AVEN: variants seen among roughly 807,000 people sequenced by gnomAD.
The protein encoded by AVEN is cell death regulator Aven.
In AVEN, 41 loss-of-function variants were observed where a neutral mutation model predicts 38.1. The observed-to-expected ratio is 1.08, with a 90% CI of 0.84 to 1.40. The LOEUF (loss-of-function observed/expected upper bound fraction) is 1.40. Among genes scored for constraint, AVEN ranks in the 40% most tolerant of loss-of-function variants. The pLI is 0.00. For synonymous variants in AVEN, 206 were observed against 171.8 expected (o/e 1.20, Z -1.56); for missense variants, 605 against 438.8 (o/e 1.38, Z -3.38).
downstream of AVEN, chr15:33,865,139 T>C (rs1263792999): frequency 8.7e-6 from 14 of 1,612,522 alleles, no homozygotes; most frequent in South Asian, 1.1e-4. Flanking sequence ...AGGAATCTTA[T>C]GTCTGGAAGA....
chr15:34,068,605 T>C (rs1185089488), intron 2 of AVEN, among the ~76,000 whole-genome samples: 1 of 152,210 alleles, frequency 6.6e-6, no homozygotes, highest in East Asian at 1.9e-4. Flanking sequence ...TGTTATTATG[T>C]AATCTACAGT....
rs187156858 is a variant in AVEN at position 33,942,450 on chromosome 15, T to C, written c.445+60582A>G. Among the ~76,000 whole-genome samples the C allele has an allele frequency of 5.7e-4, 87 of 151,434 alleles. 1 individual carries two copies. The highest frequency in any genetic ancestry group is 2.0e-3 in the African/African-American group (82 of 41,296). On this transcript the variant is annotated intron_variant, in intron 2 of 5. Transcript: ENST00000306730. ...CGCTTTGAGAGGAAGTTTTTTATCT[T>C]TTTTTTTTCTTTTCTTTTGAGATGG... is the stretch of plus-strand genomic sequence containing the variant.
chr15:33,870,864 A>T, intron 4 of AVEN, 71 bp downstream of exon 4: 1 of 1,087,698 alleles, frequency 9.2e-7, no homozygotes, highest in Non-Finnish European at 1.4e-6. Context: ...CATCCTGCTG[A>T]GGGAAGTGTT....
At chr15:34,045,034 C>T (rs192772269) in intron 5 of AVEN, among the ~76,000 whole-genome samples, 72 of 152,140 alleles carry the variant, frequency 4.7e-4, no homozygotes, top group African/African-American at 1.6e-3. Flanking sequence ...GGCGACAGAG[C>T]GAGACTCTGT....
chr15:33,930,674 G>A (rs1893807465), intron 2 of AVEN, among the ~76,000 whole-genome samples: 1 of 152,182 alleles, frequency 6.6e-6, no homozygotes, highest in African/African-American at 2.4e-5. Context: ...CTTAAGAACT[G>A]GCCGGGCGCG....
At chr15:33,933,644 G>A (rs1893959220) in intron 2 of AVEN, among the ~76,000 whole-genome samples, 2 of 151,066 alleles carry the variant, frequency 1.3e-5, no homozygotes, top group Non-Finnish European at 2.9e-5. Flanking sequence ...ACCATGCTAG[G>A]GCCTGTACAA....
At chr15:33,909,195 T>C (rs965161981) in intron 2 of AVEN, among the ~76,000 whole-genome samples, 1 of 152,216 alleles carries the variant, frequency 6.6e-6, no homozygotes, top group South Asian at 2.1e-4. Context: ...CCTTAAGCCC[T>C]GTTATTTTAA....
chr15:33,969,851 A>C (rs1167829873), intron 2 of AVEN, among the ~76,000 whole-genome samples: 1 of 152,110 alleles, frequency 6.6e-6, no homozygotes, highest in Non-Finnish European at 1.5e-5. Flanking sequence ...TGTAAAATGC[A>C]AAGCACTAGT....
intron 2 of AVEN, among the ~76,000 whole-genome samples, chr15:33,988,755 A>C (rs904981585): frequency 6.6e-6 from 1 of 152,254 alleles, no homozygotes; most frequent in African/African-American, 2.4e-5. Flanking sequence ...TACAGGGTTG[A>C]AAAAACTCCT....
chr15:34,063,493 C>T lies in AVEN; in HGVS notation n.1127-61G>A. 1 of 1,613,834 alleles carries T rather than the reference C, an allele frequency of 6.2e-7. No homozygotes were observed. Among genetic ancestry groups the T allele is most frequent in the Non-Finnish European group, 8.5e-7 (1 of 1,180,036 alleles). On this transcript the variant is annotated intron_variant and non_coding_transcript_variant, in intron 4 of 11. Coordinates refer to the AVEN transcript ENST00000675287. The surrounding 1 kb of genome is among the most constrained non-coding windows in gnomAD (Gnocchi z 4.1). ...AGATCCTGCTTGCGCTGTCCTCGAC[C>T]CACCCTGGCCCAGCGGGAAAGGAAC...
intron 2 of AVEN, among the ~76,000 whole-genome samples, chr15:33,897,809 G>A (rs930247016): frequency 6.6e-6 from 1 of 152,108 alleles, no homozygotes; most frequent in Non-Finnish European, 1.5e-5. Context: ...TTGAGCCAAG[G>A]AGTTTTAGGT....
intron 2 of AVEN, among the ~76,000 whole-genome samples, chr15:33,972,708 C>A (rs963925235): frequency 1.3e-5 from 2 of 152,040 alleles, no homozygotes; most frequent in Admixed American, 1.3e-4. Flanking sequence ...ATATACAGAC[C>A]TCTTTTTGTA....
At chr15:34,061,317 A>G (rs1384715938) in intron 5 of AVEN, among the ~76,000 whole-genome samples, 1 of 152,226 alleles carries the variant, frequency 6.6e-6, no homozygotes, top group African/African-American at 2.4e-5. Flanking sequence ...ATTTGTCAAC[A>G]GAGGGTTAAT....
intron 1 of AVEN, among the ~76,000 whole-genome samples, chr15:34,028,634 C>T (rs548727176): frequency 2.0e-5 from 3 of 152,238 alleles, no homozygotes; most frequent in African/African-American, 7.2e-5. Context: ...GGCAAAGTGA[C>T]TATAAATATA....
intron 2 of AVEN, among the ~76,000 whole-genome samples, chr15:33,911,470 T>C (rs1892917241): frequency 6.6e-6 from 1 of 152,240 alleles, no homozygotes; most frequent in Admixed American, 6.5e-5. Context: ...TATATACTTT[T>C]CTTTCACAGT....
At chr15:33,873,352 G>C (rs368437471) in intron 3 of AVEN, among the ~76,000 whole-genome samples, 28 of 150,182 alleles carry the variant, frequency 1.9e-4, no homozygotes, top group African/African-American at 6.3e-4. Flanking sequence ...TGCCCACCTC[G>C]GCCTCCCAAA....
intron 2 of AVEN, among the ~76,000 whole-genome samples, chr15:33,933,709 A>T (rs1361514170): frequency 6.6e-6 from 1 of 152,216 alleles, no homozygotes; most frequent in East Asian, 1.9e-4. Context: ...CTATAATCCC[A>T]GCACTTTGGG....
intron 2 of AVEN, among the ~76,000 whole-genome samples, chr15:33,959,048 T>A (rs1167788135): frequency 2.6e-5 from 4 of 152,200 alleles, no homozygotes; most frequent in Non-Finnish European, 4.4e-5. Flanking sequence ...ATTTTCCCAA[T>A]ATGCCAAGCA....
At chr15:34,072,412 A>G (rs945473701) in intron 1 of AVEN, among the ~76,000 whole-genome samples, 3 of 151,896 alleles carry the variant, frequency 2.0e-5, no homozygotes, top group African/African-American at 7.3e-5. Context: ...GGAGTTCGAG[A>G]CCAGACTAAC....
Sources: allele counts gnomAD v4.1 joint callset (sites outside exome capture counted in the v4.1 genomes callset), GRCh38; gene constraint gnomAD v4.1.1; non-coding constraint Gnocchi (gnomAD v3.1); transcripts MANE v1.5; gene names NCBI Gene and HGNC (gene_info 2026-07-23, HGNC 2026-07-21).